Variants in HFM1 observed in about 807,000 individuals in gnomAD.
HFM1 encodes helicase for meiosis 1.
In HFM1, 169 loss-of-function variants were observed where a neutral mutation model predicts 192.1. That is an observed-to-expected ratio of 0.88 (90% CI 0.78 to 1.00). The LOEUF is 1.00. Among genes scored for constraint, HFM1 ranks in the 50% least tolerant of loss-of-function variants. The pLI, the probability that HFM1 is intolerant of heterozygous loss-of-function variation, is 0.00. For missense variants in HFM1, 1,661 were observed against 1,668.0 expected (o/e 1.00, Z 0.07); for synonymous variants, 525 against 537.8 (o/e 0.98, Z 0.33).
chr1:91,390,346 G>A (rs1360474139), intron 4 of HFM1, among the ~76,000 whole-genome samples: 1 of 151,198 alleles, frequency 6.6e-6, no homozygotes, highest in East Asian at 2.0e-4. Flanking sequence ...TGAGGCAGGA[G>A]AATTGCCTGA....
intron 32 of HFM1, 113 bp from the exon 33 acceptor site, chr1:91,274,922 T>C: frequency 1.9e-6 from 1 of 519,884 alleles, no homozygotes; most frequent in Non-Finnish European, 3.5e-6. Context: ...ATCAATGAAT[T>C]AGGAGAAACT....
At chr1:91,267,417 G>A (rs1397322831) in intron 35 of HFM1, among the ~76,000 whole-genome samples, 1 of 152,030 alleles carries the variant, frequency 6.6e-6, no homozygotes, top group African/African-American at 2.4e-5. Context: ...TGTGATCTTA[G>A]AATGGAGAAC....
At chr1:91,271,564 A>T (rs1293548531) in intron 34 of HFM1, among the ~76,000 whole-genome samples, 1 of 152,116 alleles carries the variant, frequency 6.6e-6, no homozygotes, top group Non-Finnish European at 1.5e-5. Context: ...AAAATATGGG[A>T]AAGAGGAGAT....
intron 20 of HFM1, chr1:91,328,847 C>A: frequency 6.2e-7 from 1 of 1,610,644 alleles, no homozygotes; most frequent in Middle Eastern, 1.7e-4. Context: ...CCTTGATGCA[C>A]CCATCGAGGC....
chr1:91,385,759 T>G lies in HFM1; in HGVS notation c.570A>C (p.Ser190=). 6.2e-7 allele frequency: 1 copy of G among 1,608,734 alleles called. No individual in the cohort carries two copies. Among genetic ancestry groups the G allele is most frequent in the Non-Finnish European group, 8.5e-7 (1 of 1,175,220 alleles). ...NDNELDSHIG[S]VKIVQTEMNK... is the part of the protein sequence containing the mutation. ...TCATTTCTGTTTGTACAATTTTCAC[T>G]GAGCCAATGTGAGAGTCCAATTCAT... is the stretch of plus-strand genomic sequence containing the variant. The change falls in exon 5 of 39, where the codon TCA becomes TCC. Residue 190 remains serine, a synonymous_variant. Transcript: ENST00000370425.
chr1:91,326,051 AATAC>A (rs934789870), intron 20 of HFM1, among the ~76,000 whole-genome samples: 67 of 152,216 alleles, frequency 4.4e-4, no homozygotes, highest in African/African-American at 1.6e-3. Flanking sequence ...GATATTTGAA[AATAC>A]ATAGTCAGAG....
chr1:91,398,281 C>A (rs534839096), intron 2 of HFM1, among the ~76,000 whole-genome samples: 1 of 152,194 alleles, frequency 6.6e-6, no homozygotes, highest in Admixed American at 6.5e-5. Context: ...CCAGAGGTGA[C>A]ATCATCATCC....
intron 30 of HFM1, among the ~76,000 whole-genome samples, chr1:91,294,974 C>G (rs992575998): frequency 1.3e-5 from 2 of 152,144 alleles, no homozygotes; most frequent in Admixed American, 1.3e-4. Flanking sequence ...TTGTATCAAT[C>G]TATAATCACA....
rs773189326 is a variant in HFM1 at position 91,396,316 on chromosome 1, T to C, written c.161A>G (p.Glu54Gly). The C allele has an allele frequency of 3.8e-6, 6 of 1,574,692 alleles. No individual in the cohort carries two copies. The highest frequency in any genetic ancestry group is 1.1e-5 in the South Asian group (1 of 88,676). The stretch of plus-strand genomic sequence containing the variant: ...ACCTAACAGTTTATGACTTTCTAAT[T>C]CTTCCTCTAACTCCTGAGTATCTGG... ...EIPDTQELEE[E>G]LESHKLLGQE... Residue 54 changes from glutamate to glycine, a missense_variant, in exon 3 of 39, where the codon GAA becomes GGA. By Grantham distance (98) the Glu-to-Gly change is moderately conservative. Transcript: ENST00000370425.
intron 20 of HFM1, among the ~76,000 whole-genome samples, chr1:91,325,261 C>T (rs1347841377): frequency 2.6e-5 from 4 of 152,182 alleles, no homozygotes; most frequent in African/African-American, 9.7e-5. Context: ...AGAGACTCTT[C>T]CAATCCCTGG....
intron 2 of HFM1, among the ~76,000 whole-genome samples, chr1:91,397,043 G>A (rs531793653): frequency 6.6e-6 from 1 of 152,318 alleles, no homozygotes; most frequent in South Asian, 2.1e-4. Flanking sequence ...TCTAACTAAT[G>A]TCTGATGATC....
intron 20 of HFM1, 132 bp downstream of exon 20, chr1:91,343,295 CTAA>C (rs1655642836): frequency 4.9e-6 from 2 of 405,200 alleles, no homozygotes; most frequent in Non-Finnish European, 9.2e-6. Flanking sequence ...ATGCCTATGG[CTAA>C]TAATGATGAT....
chr1:91,375,309 A>G, intron 13 of HFM1, 49 bp downstream of exon 13: 1 of 1,335,940 alleles, frequency 7.5e-7, no homozygotes, highest in Non-Finnish European at 1.1e-6. Context: ...TGTCATCTAG[A>G]TGAGCCCTAA....
intron 30 of HFM1, among the ~76,000 whole-genome samples, chr1:91,291,142 C>T (rs1424246101): frequency 1.3e-5 from 2 of 152,052 alleles, no homozygotes; most frequent in African/African-American, 4.8e-5. Context: ...ATTAAAAGAA[C>T]TAGAAAAGCA....
In HFM1 at chr1:91,343,410, T is replaced by A. The variant is rs768405978; in HGVS notation, c.2335+20A>T. On this transcript the variant is annotated intron_variant, in intron 20 of 38. Transcript: ENST00000370425. Reference sequence around the variant, plus strand: ...TTAAGTAAACAATTGCTAAATTTACTGACAATGATAAGAAATTACCAGTTG... The same window carrying A: ...TTAAGTAAACAATTGCTAAATTTACAGACAATGATAAGAAATTACCAGTTG... 2 of 1,185,228 alleles carry A rather than the reference T, an allele frequency of 1.7e-6. No individual in the cohort carries two copies. The highest frequency in any genetic ancestry group is 2.4e-6 in the Non-Finnish European group (2 of 825,996). 73.4% of individuals were successfully genotyped at this position (1,185,228 alleles called of 1,614,324 possible). A position where few individuals can be genotyped will look rare whatever the true frequency, so the allele number is the denominator to read the frequency against.
chr1:91,329,985 C>G (rs1218092794), intron 20 of HFM1, among the ~76,000 whole-genome samples: 1 of 152,158 alleles, frequency 6.6e-6, no homozygotes, highest in Non-Finnish European at 1.5e-5. Flanking sequence ...CGCATCTTAG[C>G]AGATGGGAGG....
At chr1:91,394,652 A>G (rs1332912909) in intron 3 of HFM1, among the ~76,000 whole-genome samples, 2 of 152,086 alleles carry the variant, frequency 1.3e-5, no homozygotes, top group Non-Finnish European at 1.5e-5. Flanking sequence ...TGAAGTTTAT[A>G]TGGCACTGCA....
rs538434039 is a variant in HFM1 at position 91,289,111 on chromosome 1, G to A, written c.3392-12049C>T. ...ACACTCCTCACTTCCCAGATGGGGC[G>A]GCTGCCAGGCGGAGGGGCTCCTCAT... On this transcript the variant is annotated intron_variant, in intron 30 of 38. Transcript: ENST00000370425. Among the ~76,000 whole-genome samples, 855 of 151,720 alleles carry A rather than the reference G, an allele frequency of 5.6e-3. 9 individuals carry two copies. The highest frequency in any genetic ancestry group is 1.0e-2 in the Non-Finnish European group (678 of 67,906).
At chr1:91,372,780 G>A (rs1387461961) in intron 13 of HFM1, among the ~76,000 whole-genome samples, 1 of 151,998 alleles carries the variant, frequency 6.6e-6, no homozygotes, top group Admixed American at 6.6e-5. Context: ...ACATGCAGTT[G>A]GTATGAAAAT....
Sources: gnomAD v4.1 joint callset for allele counts (sites outside exome capture counted in the v4.1 genomes callset) on GRCh38, gnomAD v4.1.1 for gene constraint, MANE v1.5 for transcripts, NCBI Gene and HGNC (gene_info 2026-07-23, HGNC 2026-07-21) for gene names.